The following CREBBP variants were observed in gnomAD, a reference collection of about 807,000 sequenced individuals.
CREBBP encodes the protein CREB binding lysine acetyltransferase.
A neutral mutation model predicts 265.0 loss-of-function variants in CREBBP; 19 were observed. The observed-to-expected ratio is 0.07, with a 90% CI of 0.05 to 0.11. CREBBP has a LOEUF of 0.11. Ranked by LOEUF, CREBBP falls within the 10% of genes least tolerant of loss-of-function variation. The pLI is 1.00. For missense variants in CREBBP, 2,525 were observed against 3,219.0 expected (o/e 0.78, Z 5.22); for synonymous variants, 1,457 against 1,223.7 (o/e 1.19, Z -3.98).
At chr16:3,813,801 G>GACAA (rs746206543) in intron 2 of CREBBP, among the ~76,000 whole-genome samples, 8 of 152,236 alleles carry the variant, frequency 5.3e-5, no homozygotes, top group South Asian at 2.1e-4. Context: ...CAACCAATTT[G>GACAA]ACAAACAAAC....
chr16:3,806,454 A>T (rs1003293284), intron 3 of CREBBP, among the ~76,000 whole-genome samples: 1 of 127,742 alleles, frequency 7.8e-6, no homozygotes, highest in African/African-American at 3.4e-5. Context: ...CGCAGTTCTT[A>T]AAAAAAAAAA....
chr16:3,834,476 C>CA (rs1418011804), intron 2 of CREBBP, among the ~76,000 whole-genome samples: 1 of 151,988 alleles, frequency 6.6e-6, no homozygotes, highest in African/African-American at 2.4e-5. Context: ...TGTAACTTTA[C>CA]AAAAAGGCAA....
intron 16 of CREBBP, among the ~76,000 whole-genome samples, chr16:3,767,072 GA>G (rs2052872235): frequency 1.3e-5 from 2 of 152,114 alleles, no homozygotes; most frequent in African/African-American, 4.8e-5. Context: ...AGGTTCACTT[GA>G]CAATTTTCTG....
intron 1 of CREBBP, among the ~76,000 whole-genome samples, chr16:3,852,195 C>T (rs2054866291): frequency 9.8e-6 from 1 of 101,702 alleles, no homozygotes; most frequent in Non-Finnish European, 1.8e-5. Context: ...GACAGAGTCT[C>T]GCTCTGCGGC....
At chr16:3,830,487 G>A (rs143281295) in intron 2 of CREBBP, among the ~76,000 whole-genome samples, 1 of 151,910 alleles carries the variant, frequency 6.6e-6, no homozygotes, top group Non-Finnish European at 1.5e-5. Flanking sequence ...AGGAGATAAA[G>A]ACAAAGAATA....
intron 1 of CREBBP, among the ~76,000 whole-genome samples, chr16:3,853,165 C>T (rs901084456): frequency 2.0e-5 from 3 of 152,170 alleles, no homozygotes; most frequent in East Asian, 3.8e-4. Context: ...ATGGCCCCTA[C>T]ACCTCATAAC....
intron 3 of CREBBP, among the ~76,000 whole-genome samples, chr16:3,801,595 A>G (rs956066136): frequency 6.6e-6 from 1 of 152,168 alleles, no homozygotes; most frequent in African/African-American, 2.4e-5. Flanking sequence ...GCTTGAACCC[A>G]GGAAGTGGAG....
At chr16:3,807,423 T>C (rs2053852015) in intron 3 of CREBBP, among the ~76,000 whole-genome samples, 1 of 152,264 alleles carries the variant, frequency 6.6e-6, no homozygotes, top group Admixed American at 6.5e-5. Context: ...CACCTCATTT[T>C]TTCAGTAAAT....
At position 3,847,106 on chromosome 16, in the gene CREBBP, G is replaced by A. The variant is rs541739620; in HGVS notation, c.798+3191C>T. ...TCAGAGGATGAGATCAATAAATTATGATGTATCATATAATGGAATACTTTG... is the reference window on the plus strand; with the variant it reads ...TCAGAGGATGAGATCAATAAATTATAATGTATCATATAATGGAATACTTTG... On this transcript the variant is annotated intron_variant, in intron 2 of 30. Transcript: ENST00000262367. Among the ~76,000 whole-genome samples, 4 of 152,178 alleles carry A rather than the reference G, an allele frequency of 2.6e-5. No individual in the cohort carries two copies. In the South Asian group the frequency reaches 8.3e-4, roughly 31 times the overall value.
At position 3,762,835 on chromosome 16, in the gene CREBBP, C is replaced by T. The variant is rs540363399; in HGVS notation, c.3251-3863G>A. On this transcript the variant is annotated intron_variant, in intron 16 of 30. Coordinates refer to ENST00000262367, the MANE Select transcript of CREBBP (RefSeq NM_004380.3). ...TGTCGCCCAGGCTGGAGTGCAGTGG[C>T]GCGATCTCGGCTCACTGCAAGCTCC... is the stretch of plus-strand genomic sequence containing the variant. Among the ~76,000 whole-genome samples, 7 of 150,782 alleles carry T rather than the reference C, an allele frequency of 4.6e-5. No individual in the cohort carries two copies. The East Asian group carries it at 1.0e-3, about 21-fold the overall frequency.
chr16:3,846,978 G>A (rs1426301711), intron 2 of CREBBP, among the ~76,000 whole-genome samples: 1 of 152,168 alleles, frequency 6.6e-6, no homozygotes, highest in Non-Finnish European at 1.5e-5. Flanking sequence ...CTTTAAACAA[G>A]TCTGTGACCC....
chr16:3,878,553 A>C (rs999937904), intron 1 of CREBBP, among the ~76,000 whole-genome samples: 2 of 152,242 alleles, frequency 1.3e-5, no homozygotes, highest in African/African-American at 2.4e-5. Context: ...ATTCAAACTT[A>C]AGCCACAAAA....
At chr16:3,795,268 T>C (rs150389994) in intron 3 of CREBBP, among the ~76,000 whole-genome samples, 182 of 152,332 alleles carry the variant, frequency 1.2e-3, no homozygotes, top group Admixed American at 3.9e-3. Flanking sequence ...TATAAAAGTA[T>C]ATATATACAC....
chr16:3,868,125 A>G (rs973891895), intron 1 of CREBBP, among the ~76,000 whole-genome samples: 7 of 152,182 alleles, frequency 4.6e-5, no homozygotes, highest in African/African-American at 1.7e-4. Flanking sequence ...ATACGTAAGA[A>G]ACAGCTAACA....
chr16:3,847,598 C>T (rs1226164641), intron 2 of CREBBP, among the ~76,000 whole-genome samples: 1 of 152,178 alleles, frequency 6.6e-6, no homozygotes, highest in Non-Finnish European at 1.5e-5. Flanking sequence ...GCTCACTTTC[C>T]AGTGACATCC....
At chr16:3,749,309 C>T (rs539203778) in intron 21 of CREBBP, among the ~76,000 whole-genome samples, 1 of 152,130 alleles carries the variant, frequency 6.6e-6, no homozygotes, top group African/African-American at 2.4e-5. Context: ...TACTCCTAAC[C>T]TTTGGTCTCT....
intron 1 of CREBBP, among the ~76,000 whole-genome samples, chr16:3,862,636 G>A (rs780599759): frequency 1.3e-5 from 2 of 152,066 alleles, no homozygotes; most frequent in Non-Finnish European, 2.9e-5. Flanking sequence ...CTTCATATAC[G>A]ACATTCTAGT....
chr16:3,741,420 T>G (rs1326563660), intron 23 of CREBBP: 4 of 152,254 alleles, frequency 2.6e-5, no homozygotes, highest in African/African-American at 9.6e-5. Context: ...CTAGAAAATT[T>G]AGACCAAACT....
At chr16:3,778,607 A>C in intron 9 of CREBBP, 93 bp downstream of exon 9, 2 of 1,095,152 alleles carry the variant, frequency 1.8e-6, no homozygotes, top group Non-Finnish European at 2.8e-6. Context: ...CCAACTACAT[A>C]GATTCCACTA....
Sources: allele counts gnomAD v4.1 joint callset (sites outside exome capture counted in the v4.1 genomes callset), GRCh38; gene constraint gnomAD v4.1.1; transcripts MANE v1.5; gene names NCBI Gene and HGNC (gene_info 2026-07-23, HGNC 2026-07-21).